The following AFF3 variants were observed in gnomAD, a reference collection of about 807,000 sequenced individuals.
AFF3 encodes the protein AF4/FMR2 family member 3.
AFF3 carries 32 observed loss-of-function variants against 129.7 expected under a neutral mutation model. The ratio of observed to expected loss-of-function variants is 0.25; its 90% confidence interval spans 0.19 to 0.33. The LOEUF (loss-of-function observed/expected upper bound fraction) is 0.33. AFF3 is among the 10% of genes least tolerant of loss of function. The pLI is 1.00. For synonymous variants in AFF3, 644 were observed against 635.4 expected (o/e 1.01, Z -0.20); for missense variants, 1,373 against 1,592.0 (o/e 0.86, Z 2.34).
chr2:99,828,583 A>G (rs898914605), intron 8 of AFF3, among the ~76,000 whole-genome samples: 2 of 152,230 alleles, frequency 1.3e-5, no homozygotes, highest in Non-Finnish European at 2.9e-5. Flanking sequence ...AAAGGGGGCC[A>G]TGACTCAGTA....
chr2:99,641,296 C>G (rs1684167523), intron 13 of AFF3, among the ~76,000 whole-genome samples: 1 of 152,230 alleles, frequency 6.6e-6, no homozygotes, highest in Non-Finnish European at 1.5e-5. Flanking sequence ...TGGAGCTGCA[C>G]AGACCACTCT....
At chr2:100,021,438 T>G (rs527821505) in intron 4 of AFF3, among the ~76,000 whole-genome samples, 2 of 152,314 alleles carry the variant, frequency 1.3e-5, no homozygotes, top group East Asian at 3.9e-4. Flanking sequence ...TTTTCCTTCC[T>G]TTTCAAAATT....
At chr2:99,908,084 T>C (rs1430247297) in intron 7 of AFF3, among the ~76,000 whole-genome samples, 3 of 152,216 alleles carry the variant, frequency 2.0e-5, no homozygotes, top group African/African-American at 7.2e-5. Context: ...AATTTTAATC[T>C]GTTTTGGCTA....
At chr2:100,073,939 A>T (rs1198222579) in intron 4 of AFF3, among the ~76,000 whole-genome samples, 2 of 152,208 alleles carry the variant, frequency 1.3e-5, no homozygotes, top group Non-Finnish European at 2.9e-5. Context: ...AAATTACAAA[A>T]AACAAGAACA....
chr2:99,757,134 G>A (rs1682181080), intron 8 of AFF3, among the ~76,000 whole-genome samples: 1 of 152,090 alleles, frequency 6.6e-6, no homozygotes, highest in Admixed American at 6.6e-5. Context: ...TTTGTGTTCA[G>A]CCTTCCTCTC....
In AFF3 at chr2:99,565,570, G is replaced by A. The variant is rs773934210; in HGVS notation, c.3036C>T (p.Ile1012=). The A allele has an allele frequency of 5.0e-6, 8 of 1,613,992 alleles. No individual in the cohort carries two copies. Among genetic ancestry groups the A allele is most frequent in the East Asian group, 2.2e-5 (1 of 44,892 alleles). The change falls in exon 20 of 25, where the codon ATC becomes ATT. Residue 1012 remains isoleucine (I), a synonymous_variant. Transcript: ENST00000672756. The part of the protein sequence containing the change: ...LNYAEAALSF[I]ECGNAMEQGP... ...CTTGTTCCATTGCATTTCCACACTCGATAAACGACAATGCTGCTTCAGCAT... is the reference window on the plus strand; with the variant it reads ...CTTGTTCCATTGCATTTCCACACTCAATAAACGACAATGCTGCTTCAGCAT...
chr2:99,721,087 G>A (rs1300760805), intron 11 of AFF3, among the ~76,000 whole-genome samples: 1 of 151,958 alleles, frequency 6.6e-6, no homozygotes, highest in Non-Finnish European at 1.5e-5. Context: ...GTAGGTTTGA[G>A]CTTCCATCTC....
rs189758096 is a variant in AFF3, at chr2:100,110,663, T to A, written c.-144-5080A>T. ...TACAGGCATCTCCCACTGCTCAGAG[T>A]CCTGCTGGGGGTCCCCAAGTCCCAA... On this transcript the variant is annotated intron_variant, in intron 2 of 24. Transcript: ENST00000672756. 1.7e-3 allele frequency among the ~76,000 whole-genome samples: 258 copies of A among 152,122 alleles called. 2 individuals carry two copies. The highest frequency in any genetic ancestry group is 6.8e-3 in the Middle Eastern group (2 of 294).
At chr2:99,595,401 G>A (rs555625174) in intron 14 of AFF3, among the ~76,000 whole-genome samples, 3 of 152,232 alleles carry the variant, frequency 2.0e-5, no homozygotes, top group South Asian at 2.1e-4. Flanking sequence ...TTTCGAATTC[G>A]TGGCATCCAT....
intron 4 of AFF3, 31 bp from the exon 5 acceptor site, chr2:100,008,963 A>G (rs964320052): frequency 1.4e-5 from 23 of 1,610,264 alleles, no homozygotes; most frequent in Non-Finnish European, 1.7e-5. Context: ...GAGAACAACC[A>G]CACACACAAA....
At chr2:100,092,713 A>G (rs1689960505) in intron 4 of AFF3, among the ~76,000 whole-genome samples, 1 of 151,780 alleles carries the variant, frequency 6.6e-6, no homozygotes, top group Non-Finnish European at 1.5e-5. Context: ...TCCTTACATT[A>G]TCGTACCTGC....
intron 2 of AFF3, among the ~76,000 whole-genome samples, chr2:100,108,064 A>G (rs2105518244): frequency 6.6e-6 from 1 of 152,250 alleles, no homozygotes; most frequent in East Asian, 1.9e-4. Flanking sequence ...CCCCTACAGC[A>G]TCTCCTCCAG....
intron 8 of AFF3, among the ~76,000 whole-genome samples, chr2:99,825,367 C>T (rs1687998313): frequency 1.3e-5 from 2 of 152,112 alleles, no homozygotes; most frequent in South Asian, 4.1e-4. Context: ...TGTGTGTGTA[C>T]AATAGTAATT....
chr2:99,556,003 A>G (rs1344876079), intron 22 of AFF3, among the ~76,000 whole-genome samples: 1 of 152,192 alleles, frequency 6.6e-6, no homozygotes, highest in East Asian at 1.9e-4. Context: ...ACCTTTCTCA[A>G]GCTGGTGCTA....
At position 100,053,754 on chromosome 2, in the gene AFF3, G is replaced by A. The variant is rs1284786820; in HGVS notation, c.54-44822C>T. On this transcript the variant is annotated intron_variant, in intron 4 of 24. Coordinates refer to ENST00000672756, the MANE Select transcript of AFF3 (RefSeq NM_001386135.1). Reference sequence around the variant, plus strand: ...GCCCTGCACTCACTTAATTATTCACGCCAGCATGAAATCTGCCTGACATCC... The same window carrying A: ...GCCCTGCACTCACTTAATTATTCACACCAGCATGAAATCTGCCTGACATCC... Among the ~76,000 whole-genome samples the A allele has an allele frequency of 2.6e-5, 4 of 152,126 alleles. 1 individual carries two copies. Among genetic ancestry groups the A allele is most frequent in the South Asian group, 4.1e-4 (2 of 4,826 alleles).
intron 7 of AFF3, among the ~76,000 whole-genome samples, chr2:99,902,089 T>A (rs1270837006): frequency 6.6e-6 from 1 of 151,746 alleles, no homozygotes. Context: ...AGAACCCTTG[T>A]GTGCGGGTGA....
At chr2:99,710,887 T>C (rs1440467753) in intron 11 of AFF3, among the ~76,000 whole-genome samples, 2 of 152,184 alleles carry the variant, frequency 1.3e-5, no homozygotes, top group African/African-American at 2.4e-5. Context: ...CAGAAGGCCC[T>C]CTGAGGTGAG....
chr2:99,679,818 A>T lies in AFF3; in HGVS notation c.1092-7229T>A, dbSNP rs530230059. Among the ~76,000 whole-genome samples, 17 of 152,336 alleles carry T rather than the reference A, an allele frequency of 1.1e-4. 1 individual carries two copies. The South Asian group carries it at 3.5e-3, about 32-fold the overall frequency. On this transcript the variant is annotated intron_variant, in intron 11 of 24. Coordinates refer to ENST00000672756, the MANE Select transcript of AFF3 (RefSeq NM_001386135.1). ...ACATCTCCAAAGTGAGAGTTGGATA[A>T]AACAACCACTATATATCCTCTTATT...
chr2:99,903,215 T>A (rs1056461572), intron 7 of AFF3, among the ~76,000 whole-genome samples: 11 of 152,154 alleles, frequency 7.2e-5, no homozygotes, highest in African/African-American at 1.7e-4. Flanking sequence ...GCCAACCAAA[T>A]TATGACACGT....
Sources: allele counts gnomAD v4.1 joint callset (sites outside exome capture counted in the v4.1 genomes callset), GRCh38; gene constraint gnomAD v4.1.1; transcripts MANE v1.5; gene names NCBI Gene and HGNC (gene_info 2026-07-23, HGNC 2026-07-21).